NALF1: variants seen among roughly 807,000 people sequenced by gnomAD.
NALF1 encodes the protein family with sequence similarity 155 member A.
Under a neutral mutation model 48.4 loss-of-function variants are expected in NALF1, and 3 were observed. That is an observed-to-expected ratio of 0.06 (90% confidence interval 0.03 to 0.16). NALF1 has a LOEUF of 0.16. NALF1 is among the 10% of genes least tolerant of loss of function. NALF1 has a pLI of 1.00. For synonymous variants in NALF1, 262 were observed against 245.7 expected, an observed-to-expected ratio of 1.07 and a Z score of -0.62; for missense variants, 526 against 571.5, an observed-to-expected ratio of 0.92 and a Z score of 0.81.
intron 1 of NALF1, among the ~76,000 whole-genome samples, chr13:107,810,480 C>T (rs1878954531): frequency 6.6e-6 from 1 of 152,088 alleles, no homozygotes; most frequent in Admixed American, 6.6e-5. Context: ...CAGATAAGCC[C>T]TAAGTCTATA....
chr13:107,557,332 G>T (rs1379279418), intron 1 of NALF1, among the ~76,000 whole-genome samples: 1 of 152,160 alleles, frequency 6.6e-6, no homozygotes, highest in Non-Finnish European at 1.5e-5. Flanking sequence ...AATCTTGATG[G>T]GGTGGTAATG....
chr13:107,849,428 T>C (rs989166369), intron 1 of NALF1, among the ~76,000 whole-genome samples: 4 of 152,188 alleles, frequency 2.6e-5, no homozygotes, highest in Non-Finnish European at 5.9e-5. Context: ...TCTAAATGGC[T>C]GGGTGGTAAG....
At chr13:107,759,373 T>A (rs910808836) in intron 1 of NALF1, among the ~76,000 whole-genome samples, 5 of 152,098 alleles carry the variant, frequency 3.3e-5, no homozygotes, top group Admixed American at 6.5e-5. Flanking sequence ...CACCCTTGGA[T>A]AATTTTTAGT....
At chr13:107,795,586 G>A (rs902636097) in intron 1 of NALF1, among the ~76,000 whole-genome samples, 7 of 152,080 alleles carry the variant, frequency 4.6e-5, no homozygotes, top group African/African-American at 1.7e-4. Context: ...AAATTCAGAA[G>A]GTAGAAGGCT....
intron 1 of NALF1, among the ~76,000 whole-genome samples, chr13:107,302,260 C>A (rs1024958659): frequency 6.6e-6 from 1 of 152,150 alleles, no homozygotes; most frequent in African/African-American, 2.4e-5. Context: ...CCTTGGACTT[C>A]CCAGCCTCCA....
intron 1 of NALF1, among the ~76,000 whole-genome samples, chr13:107,552,941 T>C (rs952893744): frequency 2.0e-5 from 3 of 152,176 alleles, no homozygotes; most frequent in African/African-American, 7.2e-5. Flanking sequence ...TAATTTTCTC[T>C]TAAATACTCT....
intron 1 of NALF1, among the ~76,000 whole-genome samples, chr13:107,597,994 T>G (rs1367576645): frequency 2.6e-5 from 4 of 152,184 alleles, no homozygotes; most frequent in Non-Finnish European, 4.4e-5. Flanking sequence ...TATGTTACAG[T>G]GACAATTACA....
chr13:107,254,293 A>G (rs781069377), intron 1 of NALF1, among the ~76,000 whole-genome samples: 6 of 151,946 alleles, frequency 3.9e-5, no homozygotes, highest in Admixed American at 6.6e-5. Context: ...CAGAATTTCA[A>G]CTCTGGTTGT....
chr13:107,832,305 G>A (rs1594301414), intron 1 of NALF1, among the ~76,000 whole-genome samples: 1 of 151,342 alleles, frequency 6.6e-6, no homozygotes, highest in Non-Finnish European at 1.5e-5. Flanking sequence ...TCATTCATAG[G>A]CAAAAATGTT....
Position 107,287,676 on chromosome 13 carries a change from G to GTTTTTC in NALF1, c.916-76927_916-76922dup, listed in dbSNP as rs57567762. On this transcript the variant is annotated intron_variant, in intron 1 of 2. Coordinates refer to ENST00000375915, the MANE Select transcript of NALF1 (RefSeq NM_001080396.3). ...GACTAGTATATTTAAAATCCTGTAT[G>GTTTTTC]TTTTTCTTTTCCTTTCTTTTCTTTT... Among the ~76,000 whole-genome samples the GTTTTTC allele has an allele frequency of 2.8e-3, 407 of 144,464 alleles. 3 individuals are homozygous for GTTTTTC. Among genetic ancestry groups the GTTTTTC allele is most frequent in the African/African-American group, 9.8e-3 (389 of 39,840 alleles). The allele number at this position is 144,464 out of a possible 152,430, so 94.8% of individuals were successfully genotyped here.
chr13:107,527,478 A>C (rs114555677), intron 1 of NALF1, among the ~76,000 whole-genome samples: 5,521 of 152,266 alleles, frequency 0.036, 173 homozygotes, highest in African/African-American at 0.085. Flanking sequence ...GGGGCATGCA[A>C]GTATGCACAC....
At chr13:107,267,314 G>A (rs961344836) in intron 1 of NALF1, among the ~76,000 whole-genome samples, 1 of 152,086 alleles carries the variant, frequency 6.6e-6, no homozygotes, top group African/African-American at 2.4e-5. Context: ...GTACAGTCAA[G>A]CAAAGTGATG....
chr13:107,384,851 T>C (rs1883501182), intron 1 of NALF1, among the ~76,000 whole-genome samples: 1 of 152,226 alleles, frequency 6.6e-6, no homozygotes, highest in Admixed American at 6.5e-5. Context: ...TCAGGCAGGA[T>C]GCAACAGGGA....
intron 1 of NALF1, among the ~76,000 whole-genome samples, chr13:107,632,428 T>G (rs1179555896): frequency 6.6e-6 from 1 of 152,098 alleles, no homozygotes; most frequent in African/African-American, 2.4e-5. Context: ...ATTTTTTTCC[T>G]ACTCTCTTCT....
At chr13:107,336,697 A>AT (rs1054819054) in intron 1 of NALF1, among the ~76,000 whole-genome samples, 3 of 152,098 alleles carry the variant, frequency 2.0e-5, no homozygotes, top group African/African-American at 7.2e-5. Context: ...AGTAAAGCCC[A>AT]TTTTCAGTAG....
chr13:107,574,836 T>G (rs1378045126), intron 1 of NALF1, among the ~76,000 whole-genome samples: 1 of 152,160 alleles, frequency 6.6e-6, no homozygotes, highest in African/African-American at 2.4e-5. Flanking sequence ...AAATGGAAAC[T>G]TGACTCCATG....
chr13:107,173,406 A>G (rs1173641959), intron 2 of NALF1, among the ~76,000 whole-genome samples: 1 of 152,190 alleles, frequency 6.6e-6, no homozygotes, highest in Non-Finnish European at 1.5e-5. Context: ...CCAATTTTCT[A>G]TCCCTATACC....
intron 1 of NALF1, among the ~76,000 whole-genome samples, chr13:107,784,091 G>A (rs896408393): frequency 6.6e-6 from 1 of 152,116 alleles, no homozygotes; most frequent in Admixed American, 6.6e-5. Flanking sequence ...TAGTATTTTA[G>A]ATGCCAAGCT....
chr13:107,478,034 GCT>G (rs1185245420), intron 1 of NALF1, among the ~76,000 whole-genome samples: 2 of 152,082 alleles, frequency 1.3e-5, no homozygotes, highest in East Asian at 3.9e-4. Context: ...CTACCATCCT[GCT>G]CCCTGCTCTC....
Sources: allele counts gnomAD v4.1 joint callset (sites outside exome capture counted in the v4.1 genomes callset), GRCh38; gene constraint gnomAD v4.1.1; transcripts MANE v1.5; gene names NCBI Gene and HGNC (gene_info 2026-07-23, HGNC 2026-07-21).